The following ZNRF1 variants were observed in gnomAD, a reference collection of about 807,000 sequenced individuals.
The protein encoded by ZNRF1 is E3 ubiquitin-protein ligase ZNRF1.
In ZNRF1, 3 loss-of-function variants were observed where a neutral mutation model predicts 18.4. The observed-to-expected ratio is 0.16, with a 90% CI of 0.07 to 0.42. ZNRF1 has a LOEUF of 0.42. Among genes scored for constraint, ZNRF1 ranks in the 10% least tolerant of loss-of-function variants. The probability of loss-of-function intolerance (pLI) is 0.99; values close to 1 mark genes in which losing one functional copy is unlikely to be tolerated. For missense variants in ZNRF1, 310 were observed against 329.8 expected, an observed-to-expected ratio of 0.94 and a Z score of 0.47; for synonymous variants, 157 against 144.2, an observed-to-expected ratio of 1.09 and a Z score of -0.64.
chr16:75,043,061 A>G (rs1250098163), intron 1 of ZNRF1, among the ~76,000 whole-genome samples: 1 of 152,312 alleles, frequency 6.6e-6, no homozygotes. Context: ...GCACTCCAAA[A>G]ATACTTGAAT....
intron 1 of ZNRF1, among the ~76,000 whole-genome samples, chr16:75,009,882 T>A (rs2034971384): frequency 6.6e-6 from 1 of 152,170 alleles, no homozygotes; most frequent in Admixed American, 6.6e-5. Context: ...ATTTCTCTAA[T>A]GAATTAGTGA....
At chr16:75,020,901 G>A (rs1393377386) in intron 1 of ZNRF1, among the ~76,000 whole-genome samples, 1 of 152,076 alleles carries the variant, frequency 6.6e-6, no homozygotes, top group East Asian at 1.9e-4. Context: ...TTTCAGTTCT[G>A]TTACAGGCTA....
intron 1 of ZNRF1, among the ~76,000 whole-genome samples, chr16:75,048,685 T>C (rs1452483728): frequency 6.6e-6 from 1 of 152,202 alleles, no homozygotes; most frequent in Non-Finnish European, 1.5e-5. Flanking sequence ...GCAGAAGGAC[T>C]GCACAGATGA....
intron 1 of ZNRF1, chr16:75,046,876 T>C (rs1366736651): frequency 6.5e-6 from 1 of 154,190 alleles, no homozygotes; most frequent in Non-Finnish European, 1.5e-5. Flanking sequence ...ACGCCCGGAA[T>C]GAAGTATTTC....
intron 1 of ZNRF1, among the ~76,000 whole-genome samples, chr16:75,052,051 T>C (rs183415027): frequency 1.3e-5 from 2 of 152,348 alleles, no homozygotes; most frequent in East Asian, 1.9e-4. Context: ...TTTAAGTACA[T>C]GTTCACTGGG....
chr16:75,055,953 A>T (rs1405159843), intron 1 of ZNRF1, among the ~76,000 whole-genome samples: 1 of 152,222 alleles, frequency 6.6e-6, no homozygotes, highest in African/African-American at 2.4e-5. Flanking sequence ...TTTGCCAACC[A>T]GTGATCCAAG....
At chr16:75,088,727 A>G (rs1322686126) in intron 1 of ZNRF1, among the ~76,000 whole-genome samples, 5 of 152,186 alleles carry the variant, frequency 3.3e-5, no homozygotes, top group Non-Finnish European at 5.9e-5. Context: ...TGATGTCCTC[A>G]TCTGTCAAAT....
chr16:75,032,730 A>G (rs2035322438), intron 1 of ZNRF1, among the ~76,000 whole-genome samples: 1 of 152,176 alleles, frequency 6.6e-6, no homozygotes, highest in South Asian at 2.1e-4. Flanking sequence ...TCAATTAAAA[A>G]ATTTACAAAG....
chr16:75,109,640 AG>A lies in ZNRF1; in HGVS notation c.*1942del, dbSNP rs1196891954. On this transcript the variant is annotated 3_prime_UTR_variant, in exon 5 of 5. Coordinates refer to ENST00000335325, the MANE Select transcript of ZNRF1 (RefSeq NM_032268.5). ...CTTGGGGCTGTTGTGAGTCGGTGGC[AG>A]GAACGTGGGCTCTAGACTGTGCATT... 6.6e-6 allele frequency: 1 copy of A among 152,534 alleles called. No homozygotes were observed. Among genetic ancestry groups the A allele is most frequent in the Non-Finnish European group, 1.5e-5 (1 of 68,090 alleles). 9.4% of individuals were successfully genotyped at this position (152,534 alleles called of 1,614,324 possible).
intron 2 of ZNRF1, among the ~76,000 whole-genome samples, chr16:75,094,700 TCCAGAGC>T (rs1000794494): frequency 3.3e-5 from 5 of 152,180 alleles, no homozygotes; most frequent in African/African-American, 1.2e-4. Context: ...TTTGCAGTTT[TCCAGAGC>T]CCACAGACTT....
chr16:75,079,648 T>C (rs1480194175), intron 1 of ZNRF1, among the ~76,000 whole-genome samples: 2 of 152,222 alleles, frequency 1.3e-5, no homozygotes, highest in Non-Finnish European at 2.9e-5. Context: ...ATAGGATTGA[T>C]CACTGCACTG....
At position 75,108,765 on chromosome 16, in the gene ZNRF1, A is replaced by G. The variant is rs375689918; in HGVS notation, c.*1065A>G. 2.9e-5 allele frequency: 11 copies of G among 381,126 alleles called. No homozygotes were observed. The highest frequency in any genetic ancestry group is 1.1e-4 in the East Asian group (3 of 26,850). The allele number at this position is 381,126 out of a possible 1,614,324, so 23.6% of individuals were successfully genotyped here. ...GTTATACAATCAAGAAATGGGGGCA[A>G]GGGCCTGCCCCCCACTCCCTCACCT... On this transcript the variant is annotated 3_prime_UTR_variant, in exon 5 of 5. Coordinates refer to ENST00000335325, the MANE Select transcript of ZNRF1 (RefSeq NM_032268.5).
Position 74,999,150 on chromosome 16 carries a change from G to A in ZNRF1, c.-522G>A, listed in dbSNP as rs2034798522. The A allele has an allele frequency of 6.8e-6, 1 of 147,012 alleles. No homozygotes were observed. Among genetic ancestry groups the A allele is most frequent in the Non-Finnish European group, 1.5e-5 (1 of 66,062 alleles). 9.1% of individuals were successfully genotyped at this position (147,012 alleles called of 1,614,324 possible). On this transcript the variant is annotated 5_prime_UTR_variant, in exon 1 of 5. Coordinates refer to ENST00000335325, the MANE Select transcript of ZNRF1 (RefSeq NM_032268.5). ...CGACGCGACCGCGGCTTCCCGAGCT[G>A]CGCCTGGCCGCCCAGCGCCGCGGCC...
chr16:75,056,088 A>G (rs553631365), intron 1 of ZNRF1, among the ~76,000 whole-genome samples: 1 of 152,314 alleles, frequency 6.6e-6, no homozygotes, highest in South Asian at 2.1e-4. Context: ...TTAGCCATTG[A>G]TAGCTGATGG....
intron 1 of ZNRF1, among the ~76,000 whole-genome samples, chr16:75,083,610 T>G (rs1286990887): frequency 6.6e-6 from 1 of 152,110 alleles, no homozygotes; most frequent in Non-Finnish European, 1.5e-5. Context: ...ATACAAACAT[T>G]GAAAATGACA....
chr16:75,092,842 C>T (rs2036155686), intron 1 of ZNRF1, among the ~76,000 whole-genome samples: 1 of 152,126 alleles, frequency 6.6e-6, no homozygotes. Context: ...TGAGATTCCT[C>T]CCAGGGTGAT....
At chr16:75,077,425 G>A (rs763906747) in intron 1 of ZNRF1, among the ~76,000 whole-genome samples, 8 of 152,180 alleles carry the variant, frequency 5.3e-5, no homozygotes, top group African/African-American at 1.7e-4. Flanking sequence ...CCAGCTATTC[G>A]GGAGGCCGAG....
chr16:75,090,018 A>T (rs1208069204), intron 1 of ZNRF1, among the ~76,000 whole-genome samples: 1 of 152,222 alleles, frequency 6.6e-6, no homozygotes, highest in East Asian at 1.9e-4. Flanking sequence ...GCCTGGAGGC[A>T]GAAGGCCTGT....
chr16:75,033,887 C>T (rs2035341465), intron 1 of ZNRF1, among the ~76,000 whole-genome samples: 1 of 152,046 alleles, frequency 6.6e-6, no homozygotes, highest in Non-Finnish European at 1.5e-5. Context: ...TGGCTCACGC[C>T]TGTAATCCTA....
Sources: gnomAD v4.1 joint callset for allele counts (sites outside exome capture counted in the v4.1 genomes callset) on GRCh38, gnomAD v4.1.1 for gene constraint, MANE v1.5 for transcripts, NCBI Gene and HGNC (gene_info 2026-07-23, HGNC 2026-07-21) for gene names.